Variants in MGAT4C observed in about 807,000 individuals in gnomAD.
MGAT4C encodes the protein MGAT4 family member C, also known as alpha-1,3-mannosyl-glycoprotein 4-beta-N-acetylglucosaminyltransferase C.
MGAT4C carries 19 observed loss-of-function variants against 40.1 expected under a neutral mutation model. The observed-to-expected ratio is 0.47, with a 90% CI of 0.33 to 0.70. The LOEUF (loss-of-function observed/expected upper bound fraction) is 0.70, where lower values mean the gene tolerates loss of function less well. MGAT4C is among the 30% of genes least tolerant of loss of function. The pLI, the probability that MGAT4C is intolerant of heterozygous loss-of-function variation, is 0.02. For synonymous variants in MGAT4C, 181 were observed against 187.1 expected (o/e 0.97, Z 0.27); for missense variants, 491 against 563.2 (o/e 0.87, Z 1.30).
rs140969623 is a variant in MGAT4C at position 86,041,821 on chromosome 12, G to C, written c.-7+7853C>G. ...TGTTTTTGGGTGGAGAGTTCTGTAG[G>C]TGTCTATTAGGTCCATTTGGTTGAG... On this transcript the variant is annotated intron_variant, in intron 2 of 4. Transcript: ENST00000611864. Among the ~76,000 whole-genome samples the C allele has an allele frequency of 7.3e-3, 1,116 of 152,214 alleles. 9 individuals are homozygous for C. Among genetic ancestry groups the C allele is most frequent in the Non-Finnish European group, 0.011 (755 of 67,996 alleles).
At chr12:86,591,078 G>A (rs1193169587) in intron 2 of MGAT4C, among the ~76,000 whole-genome samples, 1 of 151,994 alleles carries the variant, frequency 6.6e-6, no homozygotes, top group East Asian at 1.9e-4. Flanking sequence ...TCAAAATAGG[G>A]ATGGAGAGGT....
chr12:86,045,419 A>G (rs1892302561), intron 2 of MGAT4C, among the ~76,000 whole-genome samples: 1 of 152,184 alleles, frequency 6.6e-6, no homozygotes, highest in Non-Finnish European at 1.5e-5. Context: ...GCATGACTCT[A>G]GACATTTGAG....
chr12:86,666,160 C>G (rs181373173), intron 2 of MGAT4C, among the ~76,000 whole-genome samples: 16 of 152,262 alleles, frequency 1.1e-4, no homozygotes, highest in Admixed American at 9.8e-4. Flanking sequence ...ATACTGTCCT[C>G]TATTTTTGCA....
At chr12:86,331,531 C>T (rs1954668508) in intron 4 of MGAT4C, among the ~76,000 whole-genome samples, 2 of 152,130 alleles carry the variant, frequency 1.3e-5, no homozygotes, top group Non-Finnish European at 2.9e-5. Flanking sequence ...TACTCAACTT[C>T]TGAGATCTTA....
intron 2 of MGAT4C, among the ~76,000 whole-genome samples, chr12:86,554,987 C>A (rs1449547469): frequency 2.0e-5 from 3 of 152,144 alleles, no homozygotes; most frequent in African/African-American, 4.8e-5. Flanking sequence ...TCAAAGCCAG[C>A]AGCATAACAA....
intron 1 of MGAT4C, among the ~76,000 whole-genome samples, chr12:86,243,549 C>A (rs537846283): frequency 6.6e-6 from 1 of 152,192 alleles, no homozygotes; most frequent in Non-Finnish European, 1.5e-5. Flanking sequence ...AAGAGATTCT[C>A]CTGCTGGCTT....
chr12:86,826,092 T>A (rs942641215), intron 1 of MGAT4C, among the ~76,000 whole-genome samples: 2 of 151,360 alleles, frequency 1.3e-5, no homozygotes, highest in African/African-American at 2.4e-5. Context: ...TATTACTGCA[T>A]CTACCTTACA....
intron 1 of MGAT4C, among the ~76,000 whole-genome samples, chr12:86,776,026 C>T: frequency 6.6e-6 from 1 of 151,806 alleles, no homozygotes; most frequent in Admixed American, 6.6e-5. Context: ...CATATAAAAT[C>T]AATGACGTTT....
chr12:86,510,616 C>G (rs1958559966), intron 2 of MGAT4C, among the ~76,000 whole-genome samples: 1 of 152,064 alleles, frequency 6.6e-6, no homozygotes, highest in Admixed American at 6.6e-5. Flanking sequence ...CAGAGACAAA[C>G]ATAGGCTCAA....
At chr12:86,454,646 A>C (rs1390285834) in intron 2 of MGAT4C, among the ~76,000 whole-genome samples, 2 of 152,180 alleles carry the variant, frequency 1.3e-5, no homozygotes, top group African/African-American at 2.4e-5. Context: ...GATTTTATAT[A>C]TCAGCAATGA....
chr12:86,008,425 T>G (rs1888118587), intron 2 of MGAT4C, among the ~76,000 whole-genome samples: 1 of 152,088 alleles, frequency 6.6e-6, no homozygotes, highest in African/African-American at 2.4e-5. Context: ...TAACAAGTGC[T>G]TTCTGTAAAC....
intron 1 of MGAT4C, among the ~76,000 whole-genome samples, chr12:86,803,246 C>T (rs1375186299): frequency 2.0e-5 from 3 of 150,846 alleles, no homozygotes; most frequent in Non-Finnish European, 3.0e-5. Flanking sequence ...CTCCCTTACA[C>T]CTTATACAAA....
chr12:86,664,585 TG>T (rs1964057356), intron 2 of MGAT4C, among the ~76,000 whole-genome samples: 1 of 152,152 alleles, frequency 6.6e-6, no homozygotes, highest in Non-Finnish European at 1.5e-5. Context: ...AATGCTATAT[TG>T]ATTTTTTTTC....
rs550205769 is a variant in MGAT4C, at chr12:86,665,351, T to A, written c.-229+61858A>T. 5.9e-5 allele frequency among the ~76,000 whole-genome samples: 9 copies of A among 152,152 alleles called. No homozygotes were observed. In the East Asian group the frequency reaches 1.7e-3, roughly 30 times the overall value. ...ACAATTGAAACCCATTATAGACACA[T>A]GATTGTGTTGGAAAAGTTATACAAC... On this transcript the variant is annotated intron_variant, in intron 2 of 7. Transcript: ENST00000548651.
intron 1 of MGAT4C, among the ~76,000 whole-genome samples, chr12:86,114,851 T>C (rs1314663214): frequency 2.0e-5 from 3 of 151,950 alleles, no homozygotes; most frequent in Non-Finnish European, 4.4e-5. Context: ...ATCTATTACC[T>C]ACCCTAAGGA....
At chr12:86,023,224 T>C (rs1457800885) in intron 2 of MGAT4C, among the ~76,000 whole-genome samples, 1 of 152,162 alleles carries the variant, frequency 6.6e-6, no homozygotes, top group African/African-American at 2.4e-5. Context: ...TAATTGTAGT[T>C]CACAAAAGTT....
intron 1 of MGAT4C, among the ~76,000 whole-genome samples, chr12:86,141,206 G>A (rs896832057): frequency 3.9e-5 from 6 of 152,234 alleles, no homozygotes; most frequent in Admixed American, 2.6e-4. Flanking sequence ...CTGAGATTTG[G>A]TGGTTATTTG....
At chr12:86,733,874 A>T (rs1950947620) in intron 1 of MGAT4C, among the ~76,000 whole-genome samples, 1 of 152,132 alleles carries the variant, frequency 6.6e-6, no homozygotes, top group Admixed American at 6.6e-5. Flanking sequence ...TTAGAAGACA[A>T]TTCTGTTTAT....
chr12:86,094,890 GC>G (rs947118018), intron 1 of MGAT4C, among the ~76,000 whole-genome samples: 2 of 152,090 alleles, frequency 1.3e-5, no homozygotes, highest in African/African-American at 4.8e-5. Flanking sequence ...GGATTACAGA[GC>G]CAATTCTTCC....
Sources: gnomAD v4.1 joint callset for allele counts (sites outside exome capture counted in the v4.1 genomes callset) on GRCh38, gnomAD v4.1.1 for gene constraint, MANE v1.5 for transcripts, NCBI Gene and HGNC (gene_info 2026-07-23, HGNC 2026-07-21) for gene names.